TWSG1: variants seen among roughly 807,000 people sequenced by gnomAD.
TWSG1 encodes twisted gastrulation protein homolog 1.
TWSG1 carries 15 observed loss-of-function variants against 23.0 expected under a neutral mutation model. That is an observed-to-expected ratio of 0.65 (90% CI 0.44 to 1.00). The LOEUF is 1.00. TWSG1 is among the 50% of genes least tolerant of loss of function. The pLI is 0.00. For synonymous variants in TWSG1, 86 were observed against 92.8 expected, an observed-to-expected ratio of 0.93 and a Z score of 0.42; for missense variants, 242 against 278.7, an observed-to-expected ratio of 0.87 and a Z score of 0.94.
At chr18:9,397,060 C>CA (rs11390051) in intron 4 of TWSG1, 73,935 of 143,912 alleles carry the variant, frequency 0.51, 18,828 homozygotes, top group African/African-American at 0.64. Context: ...TCCGTCTCAC[C>CA]AAAAAAAAAA....
chr18:9,361,197 T>G (rs367638748), intron 3 of TWSG1, among the ~76,000 whole-genome samples: 17 of 152,336 alleles, frequency 1.1e-4, no homozygotes, highest in South Asian at 1.0e-3. Context: ...TTGTATTAAT[T>G]TTTTAAATTT....
chr18:9,388,967 T>C (rs2040698308), intron 3 of TWSG1, among the ~76,000 whole-genome samples: 1 of 150,960 alleles, frequency 6.6e-6, no homozygotes, highest in Admixed American at 6.6e-5. Flanking sequence ...GTTTTTTGGC[T>C]TTTTGTTTGT....
intron 4 of TWSG1, among the ~76,000 whole-genome samples, chr18:9,398,665 G>C (rs2040749063): frequency 6.6e-6 from 1 of 152,000 alleles, no homozygotes; most frequent in Admixed American, 6.6e-5. Context: ...CGCCATGTTA[G>C]CCAGGCTGGT....
chr18:9,350,699 T>C (rs931127263), intron 2 of TWSG1, among the ~76,000 whole-genome samples: 5 of 152,246 alleles, frequency 3.3e-5, no homozygotes, highest in African/African-American at 1.2e-4. Context: ...TAAGTACTCT[T>C]TTCAATACTG....
At chr18:9,356,191 A>T (rs893908216) in intron 2 of TWSG1, among the ~76,000 whole-genome samples, 2 of 152,212 alleles carry the variant, frequency 1.3e-5, no homozygotes, top group Non-Finnish European at 2.9e-5. Context: ...TCACTAAATT[A>T]TAAAGCAGTA....
intron 4 of TWSG1, among the ~76,000 whole-genome samples, chr18:9,398,778 G>T (rs535761652): frequency 6.6e-6 from 1 of 152,134 alleles, no homozygotes; most frequent in South Asian, 2.1e-4. Context: ...AGTTCTGTTT[G>T]TTGTCTGTTT....
intron 4 of TWSG1, among the ~76,000 whole-genome samples, chr18:9,398,722 G>A (rs1568041754): frequency 6.6e-6 from 1 of 152,142 alleles, no homozygotes; most frequent in African/African-American, 2.4e-5. Flanking sequence ...GCCTCCCAAA[G>A]TGTTGGGATT....
intron 2 of TWSG1, among the ~76,000 whole-genome samples, chr18:9,348,782 G>T (rs2040488556): frequency 6.6e-6 from 1 of 152,202 alleles, no homozygotes; most frequent in Non-Finnish European, 1.5e-5. Flanking sequence ...TTCCCTTGTA[G>T]AGAGAATTTA....
chr18:9,346,419 TAG>T (rs1020787792), intron 2 of TWSG1, among the ~76,000 whole-genome samples: 10 of 152,354 alleles, frequency 6.6e-5, no homozygotes, highest in Non-Finnish European at 1.3e-4. Flanking sequence ...ATGGATGTAC[TAG>T]AGTTTGTTTA....
chr18:9,371,772 CTTT>C (rs11379317), intron 3 of TWSG1, among the ~76,000 whole-genome samples: 10 of 134,726 alleles, frequency 7.4e-5, no homozygotes, highest in Admixed American at 1.5e-4. Flanking sequence ...CATTTTTATT[CTTT>C]TTTTTTTTTT....
At chr18:9,390,838 C>T (rs147164231) in intron 3 of TWSG1, among the ~76,000 whole-genome samples, 1,600 of 152,070 alleles carry the variant, frequency 0.011, 30 homozygotes, top group African/African-American at 0.037. Context: ...ATAGTGAGAC[C>T]CCATCTCTAC....
At chr18:9,356,357 G>A (rs185966605) in intron 2 of TWSG1, among the ~76,000 whole-genome samples, 10 of 152,246 alleles carry the variant, frequency 6.6e-5, no homozygotes, top group African/African-American at 2.2e-4. Context: ...TTAACTTTCT[G>A]TTTGTTCGCA....
chr18:9,367,210 G>A (rs1257844448), intron 3 of TWSG1, among the ~76,000 whole-genome samples: 1 of 152,190 alleles, frequency 6.6e-6, no homozygotes, highest in Non-Finnish European at 1.5e-5. Context: ...GGGATTACAA[G>A]TGTGAGCCAC....
chr18:9,341,496 A>T (rs546987476), intron 2 of TWSG1, among the ~76,000 whole-genome samples: 340 of 152,272 alleles, frequency 2.2e-3, no homozygotes, highest in African/African-American at 7.7e-3. Flanking sequence ...TTCTGTTAGT[A>T]ATTTTTAGCC....
intron 3 of TWSG1, among the ~76,000 whole-genome samples, chr18:9,392,649 A>G (rs1042231798): frequency 6.6e-6 from 1 of 152,258 alleles, no homozygotes; most frequent in African/African-American, 2.4e-5. Flanking sequence ...CAAGTGGCCT[A>G]GCTTTTGGCC....
At chr18:9,341,034 C>G (rs1246782181) in intron 2 of TWSG1, among the ~76,000 whole-genome samples, 1 of 152,176 alleles carries the variant, frequency 6.6e-6, no homozygotes, top group African/African-American at 2.4e-5. Flanking sequence ...CTATCCCCAT[C>G]TCCCTCCCTC....
At chr18:9,369,048 G>A (rs2040592521) in intron 3 of TWSG1, among the ~76,000 whole-genome samples, 1 of 151,946 alleles carries the variant, frequency 6.6e-6, no homozygotes, top group South Asian at 2.1e-4. Context: ...AGCAGAGTTT[G>A]CAGTGAGCCA....
At chr18:9,390,287 G>A (rs771675674) in intron 3 of TWSG1, among the ~76,000 whole-genome samples, 2 of 151,928 alleles carry the variant, frequency 1.3e-5, no homozygotes, top group Admixed American at 1.3e-4. Flanking sequence ...TCAGCCTCCC[G>A]AGTAGCTGGG....
intron 4 of TWSG1, among the ~76,000 whole-genome samples, chr18:9,397,284 T>C (rs531033915): frequency 2.2e-4 from 33 of 152,346 alleles, no homozygotes; most frequent in African/African-American, 7.7e-4. Context: ...AGTCAGATTT[T>C]TATAATAGCA....
Sources: gnomAD v4.1 joint callset for allele counts (sites outside exome capture counted in the v4.1 genomes callset) on GRCh38, gnomAD v4.1.1 for gene constraint, MANE v1.5 for transcripts, NCBI Gene and HGNC (gene_info 2026-07-23, HGNC 2026-07-21) for gene names.